The following CBLB variants were observed in gnomAD, a reference collection of about 807,000 sequenced individuals.
CBLB encodes the protein Cbl proto-oncogene B.
In CBLB, 31 loss-of-function variants were observed where a neutral mutation model predicts 104.9. The observed-to-expected ratio is 0.30, with a 90% CI of 0.22 to 0.40. The LOEUF is 0.40. CBLB is among the 10% of genes least tolerant of loss of function. The pLI, the probability that CBLB is intolerant of heterozygous loss-of-function variation, is 1.00. For missense variants in CBLB, 1,062 were observed against 1,214.6 expected (o/e 0.87, Z 1.87); for synonymous variants, 440 against 422.6 (o/e 1.04, Z -0.51).
intron 10 of CBLB, among the ~76,000 whole-genome samples, chr3:105,712,064 T>C (rs2071192086): frequency 6.6e-6 from 1 of 152,132 alleles, no homozygotes; most frequent in Admixed American, 6.6e-5. Context: ...GGCACTGCTC[T>C]ACTGAAATAT....
At chr3:105,675,520 A>G (rs2065510675) in intron 17 of CBLB, among the ~76,000 whole-genome samples, 1 of 152,168 alleles carries the variant, frequency 6.6e-6, no homozygotes, top group South Asian at 2.1e-4. Context: ...ATATTAAAAT[A>G]TTTCTTTTGA....
chr3:105,668,160 AAT>A (rs1216124465), intron 18 of CBLB, among the ~76,000 whole-genome samples: 2 of 152,218 alleles, frequency 1.3e-5, no homozygotes, highest in Non-Finnish European at 2.9e-5. Context: ...CCCTCAGAGT[AAT>A]AGTCAGGAGT....
chr3:105,775,448 A>G (rs1360635601), intron 4 of CBLB, among the ~76,000 whole-genome samples: 1 of 152,230 alleles, frequency 6.6e-6, no homozygotes, highest in Non-Finnish European at 1.5e-5. Context: ...GTGTATACTA[A>G]CAATTTTTAT....
At chr3:105,737,145 T>A (rs763708080) in intron 8 of CBLB, 26 bp downstream of exon 8, 5 of 1,213,140 alleles carry the variant, frequency 4.1e-6, no homozygotes, top group Non-Finnish European at 6.0e-6. Context: ...CTTATTTAAT[T>A]ATACTTTTCT....
chr3:105,759,585 G>A (rs1019304557), intron 4 of CBLB, among the ~76,000 whole-genome samples: 7 of 152,190 alleles, frequency 4.6e-5, no homozygotes, highest in South Asian at 2.1e-4. Flanking sequence ...AAAGGGATGC[G>A]GTGGCAGGGG....
chr3:105,670,941 A>C (rs2065002197), intron 17 of CBLB: 2 of 166,164 alleles, frequency 1.2e-5, no homozygotes, highest in African/African-American at 4.8e-5. Context: ...TAGTTGGCTC[A>C]CAAAATAGTA....
chr3:105,714,604 G>C (rs1163280066), intron 10 of CBLB, among the ~76,000 whole-genome samples: 1 of 152,158 alleles, frequency 6.6e-6, no homozygotes, highest in Non-Finnish European at 1.5e-5. Flanking sequence ...AGAGGAGGCA[G>C]AGCTCAGGCG....
intron 3 of CBLB, among the ~76,000 whole-genome samples, chr3:105,799,600 T>A (rs183336075): frequency 4.3e-4 from 66 of 152,330 alleles, no homozygotes; most frequent in Admixed American, 2.0e-3. Flanking sequence ...GTGATTTTTT[T>A]ATTTATACTC....
At position 105,741,107 on chromosome 3, in the gene CBLB, T is replaced by TG. The variant is rs1371417183; in HGVS notation, c.846-477_846-476insC. Among the ~76,000 whole-genome samples, 264 of 147,506 alleles carry TG rather than the reference T, an allele frequency of 1.8e-3. 3 individuals carry two copies. Among genetic ancestry groups the TG allele is most frequent in the African/African-American group, 6.4e-3 (256 of 39,726 alleles). ...CATAAAAATTAGGGTTTTTTTTTTT[T>TG]TTTTTTTTTTGAGACGGAGTCTTAC... is the stretch of plus-strand genomic sequence containing the variant. On this transcript the variant is annotated intron_variant, in intron 6 of 18. Coordinates refer to ENST00000394030, the MANE Select transcript of CBLB (RefSeq NM_170662.5).
In CBLB at chr3:105,682,160, T is replaced by A; in HGVS notation, c.2202-342A>T. 1.2e-5 allele frequency: 3 copies of A among 250,744 alleles called. No homozygotes were observed. In the South Asian group the frequency reaches 1.8e-4, roughly 15 times the overall value. The allele number at this position is 250,744 out of a possible 1,614,324, so 15.5% of individuals were successfully genotyped here. On this transcript the variant is annotated intron_variant, in intron 14 of 18. Transcript: ENST00000394030. ...AGTTTTTGAAGTAAAAAAAGATGTA[T>A]GTGCCAAGGCAAAAACATATAGCAG... is the stretch of plus-strand genomic sequence containing the variant.
chr3:105,854,121 C>G (rs2091291751), intron 2 of CBLB, among the ~76,000 whole-genome samples: 1 of 151,996 alleles, frequency 6.6e-6, no homozygotes, highest in South Asian at 2.1e-4. Context: ...GTTCTGAACC[C>G]CGAGGACAAT....
At chr3:105,755,625 C>T (rs1428188699) in intron 4 of CBLB, among the ~76,000 whole-genome samples, 1 of 152,056 alleles carries the variant, frequency 6.6e-6, no homozygotes, top group Non-Finnish European at 1.5e-5. Flanking sequence ...TGAACATCAA[C>T]AGAAGCCAGG....
intron 10 of CBLB, among the ~76,000 whole-genome samples, chr3:105,710,273 G>A (rs1433066625): frequency 6.6e-6 from 1 of 151,868 alleles, no homozygotes; most frequent in African/African-American, 2.4e-5. Flanking sequence ...CTGCTTAAAT[G>A]AGTTCCTTTC....
intron 3 of CBLB, among the ~76,000 whole-genome samples, chr3:105,822,856 C>CT (rs1312919956): frequency 6.6e-6 from 1 of 152,190 alleles, no homozygotes; most frequent in Non-Finnish European, 1.5e-5. Flanking sequence ...TTCACTGCTC[C>CT]TTAAATCAAA....
chr3:105,730,035 G>A (rs2074137414), intron 9 of CBLB, among the ~76,000 whole-genome samples: 1 of 152,008 alleles, frequency 6.6e-6, no homozygotes, highest in African/African-American at 2.4e-5. Context: ...AGATCCCACT[G>A]AGATACAGAG....
At chr3:105,665,416 A>AATATATATATATATAT (rs71111381) in intron 18 of CBLB, among the ~76,000 whole-genome samples, 7 of 98,626 alleles carry the variant, frequency 7.1e-5, no homozygotes, top group African/African-American at 2.7e-4. Flanking sequence ...TAAATAAATA[A>AATATATATATATATAT]ATATATATAT....
chr3:105,703,147 G>C (rs1187652990), intron 11 of CBLB, among the ~76,000 whole-genome samples: 2 of 152,088 alleles, frequency 1.3e-5, no homozygotes, highest in Non-Finnish European at 2.9e-5. Flanking sequence ...CGTAGCTTTT[G>C]ACTTTTATTT....
In CBLB at chr3:105,681,514, G is replaced by C. The variant is rs750014939; in HGVS notation, c.2393C>G (p.Thr798Arg). ...GATGAGAAGATCATAATCAGAGGGC[G>C]TCCTGTTGAGTGAAGAACCATGCTT... ...NPKHGSSLNR[T>R]PSDYDLLIPP... is the part of the protein sequence containing the mutation. Residue 798 changes from threonine to arginine, a missense_variant, in exon 16 of 19, where the codon ACG becomes AGG. This residue lies in a region of CBLB where 605 missense variants were observed against 582.6 expected (regional missense o/e 1.04). Coordinates refer to ENST00000394030, the MANE Select transcript of CBLB (RefSeq NM_170662.5). The C allele has an allele frequency of 6.2e-7, 1 of 1,613,958 alleles. No homozygotes were observed. The highest frequency in any genetic ancestry group is 1.3e-5 in the African/African-American group (1 of 74,912).
intron 10 of CBLB, among the ~76,000 whole-genome samples, chr3:105,710,133 C>A (rs919054240): frequency 1.3e-5 from 2 of 151,856 alleles, no homozygotes; most frequent in Non-Finnish European, 2.9e-5. Context: ...CTCTTTCTAT[C>A]TGTTATAATT....
Sources: gnomAD v4.1 joint callset for allele counts (sites outside exome capture counted in the v4.1 genomes callset) on GRCh38, gnomAD v4.1.1 for gene constraint, gnomAD v4.1.1 regional missense constraint, MANE v1.5 for transcripts, NCBI Gene and HGNC (gene_info 2026-07-23, HGNC 2026-07-21) for gene names.